Variants in ETV1 observed in about 807,000 individuals in gnomAD.
ETV1 encodes ETS variant transcription factor 1.
A neutral mutation model predicts 62.3 loss-of-function variants in ETV1; 27 were observed. The observed-to-expected ratio is 0.43, with a 90% confidence interval of 0.32 to 0.60. ETV1 has a LOEUF of 0.60. ETV1 is among the 20% of genes least tolerant of loss of function. ETV1 has a pLI of 0.06. For missense variants in ETV1, 605 were observed against 605.8 expected (o/e 1.00, Z 0.01); for synonymous variants, 222 against 199.6 (o/e 1.11, Z -0.94).
At chr7:13,915,594 G>A (rs769079232) in intron 9 of ETV1, among the ~76,000 whole-genome samples, 30 of 152,162 alleles carry the variant, frequency 2.0e-4, no homozygotes, top group Non-Finnish European at 4.4e-4. Flanking sequence ...TTACAAGGAT[G>A]CATAGATTAC....
Position 13,900,856 on chromosome 7 carries a change from T to G in ETV1, c.1111-17A>C. 6.5e-7 allele frequency: 1 copy of G among 1,543,594 alleles called. No individual in the cohort carries two copies. Among genetic ancestry groups the G allele is most frequent in the Non-Finnish European group, 8.9e-7 (1 of 1,125,462 alleles). On this transcript the variant is annotated splice_polypyrimidine_tract_variant and intron_variant, in intron 12 of 13. Coordinates refer to ENST00000430479, the MANE Select transcript of ETV1 (RefSeq NM_004956.5). ...TCGGGCCACCTGCCGCGAAACAGAA[T>G]TACATTGTAGTGTTAAGTATTAACT...
At chr7:13,916,509 G>A (rs546459127) in intron 9 of ETV1, among the ~76,000 whole-genome samples, 22 of 151,884 alleles carry the variant, frequency 1.4e-4, no homozygotes, top group South Asian at 4.2e-4. Context: ...ATGGTGGCGC[G>A]TGCCTGTCAT....
intron 6 of ETV1, among the ~76,000 whole-genome samples, chr7:13,944,821 A>G (rs1787961317): frequency 6.6e-6 from 1 of 152,204 alleles, no homozygotes; most frequent in Non-Finnish European, 1.5e-5. Context: ...CATTAAGGTG[A>G]GCACTAATCC....
chr7:13,910,541 A>C, intron 10 of ETV1: 1 of 515,934 alleles, frequency 1.9e-6, no homozygotes, highest in Non-Finnish European at 2.5e-6. Flanking sequence ...AATATCATTT[A>C]CACAAAATAA....
At chr7:13,989,872 T>C (rs2128518756), upstream of ETV1, 2 of 348,496 alleles carry the variant, frequency 5.7e-6, no homozygotes, top group East Asian at 4.3e-5. Context: ...CGCTGGGTCC[T>C]CAGCCTGGAA....
chr7:13,958,545 C>G (rs186343306), intron 6 of ETV1, among the ~76,000 whole-genome samples: 2 of 152,140 alleles, frequency 1.3e-5, no homozygotes, highest in East Asian at 3.8e-4. Context: ...AAATTAGGTG[C>G]CAAGGAAGAT....
chr7:13,948,215 G>T (rs942822948), intron 6 of ETV1, among the ~76,000 whole-genome samples: 5 of 152,142 alleles, frequency 3.3e-5, no homozygotes. Flanking sequence ...TGATGGAAAG[G>T]TCTCCTTCTA....
chr7:13,925,799 G>A (rs911591403), intron 9 of ETV1, among the ~76,000 whole-genome samples: 1 of 151,512 alleles, frequency 6.6e-6, no homozygotes, highest in Admixed American at 6.6e-5. Context: ...CTCGTGATCC[G>A]CCCACCTCGC....
intron 6 of ETV1, among the ~76,000 whole-genome samples, chr7:13,957,725 A>G (rs1789650196): frequency 6.6e-6 from 1 of 152,236 alleles, no homozygotes; most frequent in Admixed American, 6.5e-5. Context: ...TATATTCAGC[A>G]GCTTATATTA....
intron 5 of ETV1, 121 bp downstream of exon 5, chr7:13,986,517 A>G: frequency 1.3e-6 from 2 of 1,550,086 alleles, no homozygotes; most frequent in Non-Finnish European, 1.7e-6. Context: ...TGCATGACAC[A>G]TGAGGTGGCT....
At chr7:13,916,533 G>A (rs1269679387) in intron 9 of ETV1, among the ~76,000 whole-genome samples, 3 of 152,090 alleles carry the variant, frequency 2.0e-5, no homozygotes, top group Non-Finnish European at 2.9e-5. Flanking sequence ...AGCTACTCGG[G>A]AGGCTGAGGC....
chr7:13,933,347 C>G (rs1562640146), intron 8 of ETV1, among the ~76,000 whole-genome samples: 1 of 152,078 alleles, frequency 6.6e-6, no homozygotes, highest in African/African-American at 2.4e-5. Flanking sequence ...AGCCACTGAC[C>G]AATGGTAAAG....
chr7:13,919,565 TACAC>T (rs35735011), intron 9 of ETV1, among the ~76,000 whole-genome samples: 1,571 of 135,394 alleles, frequency 0.012, 8 homozygotes, highest in East Asian at 0.039. Context: ...ATAGAAACCA[TACAC>T]ACACACACAC....
chr7:13,965,988 A>G (rs1449106905), intron 6 of ETV1, among the ~76,000 whole-genome samples: 1 of 152,222 alleles, frequency 6.6e-6, no homozygotes, highest in African/African-American at 2.4e-5. Flanking sequence ...ACCGGGCATG[A>G]ACCATCCTCT....
Position 13,895,239 on chromosome 7 carries a change from G to C in ETV1, c.*627C>G, listed in dbSNP as rs1781658814. 2 of 233,514 alleles carry C rather than the reference G, an allele frequency of 8.6e-6. No individual in the cohort carries two copies. The highest frequency in any genetic ancestry group is 1.7e-5 in the Non-Finnish European group (2 of 118,052). 14.5% of individuals were successfully genotyped at this position (233,514 alleles called of 1,614,324 possible). A position where few individuals can be genotyped will look rare whatever the true frequency, so the allele number is the denominator to read the frequency against. ...CATGGTGATTATTCAACTTCAGAGAGAATTACCCATTTTATGGTTATCCTC... is the reference window on the plus strand; with the variant it reads ...CATGGTGATTATTCAACTTCAGAGACAATTACCCATTTTATGGTTATCCTC... On this transcript the variant is annotated 3_prime_UTR_variant, in exon 14 of 14. Transcript: ENST00000430479.
chr7:13,927,256 C>T (rs938634890), intron 9 of ETV1, among the ~76,000 whole-genome samples: 1 of 151,998 alleles, frequency 6.6e-6, no homozygotes, highest in East Asian at 1.9e-4. Context: ...TGAGACCAGC[C>T]TAGCCAACAT....
chr7:13,979,799 A>C (rs1317315743), intron 5 of ETV1, among the ~76,000 whole-genome samples: 1 of 152,140 alleles, frequency 6.6e-6, no homozygotes, highest in Non-Finnish European at 1.5e-5. Flanking sequence ...GTATACTTGT[A>C]ACTGAATATG....
chr7:13,986,504 G>A lies in ETV1; in HGVS notation c.181+134C>T. On this transcript the variant is annotated intron_variant, in intron 5 of 13. Coordinates refer to ENST00000430479, the MANE Select transcript of ETV1 (RefSeq NM_004956.5). ...AGACAAACTCATCAGAGGCTCTAATGTATGCATGACACATGAGGTGGCTCT... is the reference window on the plus strand; with the variant it reads ...AGACAAACTCATCAGAGGCTCTAATATATGCATGACACATGAGGTGGCTCT... 8 of 1,528,404 alleles carry A rather than the reference G, an allele frequency of 5.2e-6. No individual in the cohort carries two copies. In the Middle Eastern group the frequency reaches 5.1e-4, roughly 97 times the overall value. The allele number at this position is 1,528,404 out of a possible 1,614,324, so 94.7% of individuals were successfully genotyped here.
intron 11 of ETV1, 66 bp from the exon 12 acceptor site, chr7:13,906,665 T>C: frequency 6.5e-6 from 8 of 1,222,758 alleles, no homozygotes; most frequent in Non-Finnish European, 3.3e-6. Context: ...AAAATGTACA[T>C]TAAATCAATC....
Sources: allele counts gnomAD v4.1 joint callset (sites outside exome capture counted in the v4.1 genomes callset), GRCh38; gene constraint gnomAD v4.1.1; transcripts MANE v1.5; gene names NCBI Gene and HGNC (gene_info 2026-07-23, HGNC 2026-07-21).